The following RGS6 variants were observed in gnomAD, a reference collection of about 807,000 sequenced individuals.
RGS6 encodes the protein regulator of G-protein signaling 6.
A neutral mutation model predicts 78.5 loss-of-function variants in RGS6; 30 were observed. That is an observed-to-expected ratio of 0.38 (90% confidence interval 0.29 to 0.52). RGS6 has a LOEUF of 0.52. RGS6 is among the 20% of genes least tolerant of loss of function. RGS6 has a pLI of 0.85. For synonymous variants in RGS6, 206 were observed against 206.0 expected, an observed-to-expected ratio of 1.00 and a Z score of 0.00; for missense variants, 495 against 609.7, an observed-to-expected ratio of 0.81 and a Z score of 1.98.
intron 12 of RGS6, among the ~76,000 whole-genome samples, chr14:72,492,847 G>A (rs565239877): frequency 3.9e-5 from 6 of 152,246 alleles, no homozygotes; most frequent in South Asian, 2.1e-4. Context: ...ACAGTCACAC[G>A]CATTCATTTG....
chr14:71,912,406 G>A, the RGS6 span, among the ~76,000 whole-genome samples: 5 of 152,262 alleles, frequency 3.3e-5, no homozygotes, highest in Admixed American at 3.3e-4. Flanking sequence ...TATTTTTGGT[G>A]ACCATCGTGT....
intron 2 of RGS6, among the ~76,000 whole-genome samples, chr14:72,190,584 A>T (rs557953955): frequency 2.0e-5 from 3 of 152,190 alleles, no homozygotes; most frequent in Non-Finnish European, 4.4e-5. Flanking sequence ...AACAGGCTAC[A>T]CCTGGACAGA....
chr14:72,023,286 C>T (rs895905746), intron 2 of RGS6, among the ~76,000 whole-genome samples: 4 of 152,176 alleles, frequency 2.6e-5, no homozygotes, highest in Non-Finnish European at 4.4e-5. Flanking sequence ...AATTGCCTTC[C>T]GGCTACCCAA....
chr14:72,176,880 A>C (rs2097111748), intron 2 of RGS6, among the ~76,000 whole-genome samples: 1 of 152,148 alleles, frequency 6.6e-6, no homozygotes, highest in South Asian at 2.1e-4. Flanking sequence ...ACCACCCCAG[A>C]AGGAGCTCTT....
intron 2 of RGS6, among the ~76,000 whole-genome samples, chr14:72,177,106 C>T (rs1412606145): frequency 1.3e-5 from 2 of 151,934 alleles, no homozygotes; most frequent in African/African-American, 4.8e-5. Flanking sequence ...ATGAATAAAC[C>T]ACAATTTGTT....
intron 2 of RGS6, among the ~76,000 whole-genome samples, chr14:72,242,839 CTTTTTTTTTTTTTTTTTT>C (rs35675211): frequency 2.9e-5 from 2 of 69,134 alleles, no homozygotes; most frequent in African/African-American, 1.2e-4. Context: ...CATTTCTTTT[CTTTTTTTTTTTTTTTTTT>C]TTTTTTTTTG....
At chr14:72,299,601 T>C (rs181728122) in intron 2 of RGS6, among the ~76,000 whole-genome samples, 1 of 152,376 alleles carries the variant, frequency 6.6e-6, no homozygotes, top group East Asian at 1.9e-4. Flanking sequence ...TCACCAGCAG[T>C]GCAGGAGGAT....
chr14:71,982,845 T>C (rs2094528691), intron 2 of RGS6, among the ~76,000 whole-genome samples: 1 of 152,224 alleles, frequency 6.6e-6, no homozygotes, highest in Admixed American at 6.5e-5. Context: ...CATTTCCAGT[T>C]GCTCTCATCA....
At chr14:72,142,373 A>G (rs1261710191) in intron 2 of RGS6, among the ~76,000 whole-genome samples, 2 of 147,980 alleles carry the variant, frequency 1.4e-5, no homozygotes, top group Non-Finnish European at 2.9e-5. Context: ...CAAGCAGTCT[A>G]AGTACCTATG....
chr14:72,111,648 C>G (rs1039985631), intron 2 of RGS6, among the ~76,000 whole-genome samples: 4 of 152,262 alleles, frequency 2.6e-5, no homozygotes, highest in African/African-American at 9.6e-5. Context: ...TCACTCCACT[C>G]CAGACAGGGT....
intron 2 of RGS6, among the ~76,000 whole-genome samples, chr14:72,220,305 C>G (rs767502690): frequency 5.3e-5 from 8 of 152,138 alleles, no homozygotes; most frequent in Non-Finnish European, 1.2e-4. Context: ...TCTACATTAT[C>G]CATGCCTGGT....
intron 3 of RGS6, among the ~76,000 whole-genome samples, chr14:72,426,865 C>G (rs760875107): frequency 3.9e-5 from 6 of 152,186 alleles, no homozygotes; most frequent in Non-Finnish European, 8.8e-5. Context: ...CCTCTCCATC[C>G]CAAAAGGTGG....
intron 3 of RGS6, among the ~76,000 whole-genome samples, chr14:72,442,144 G>C (rs946711962): frequency 2.0e-5 from 3 of 151,726 alleles, no homozygotes; most frequent in African/African-American, 7.2e-5. Flanking sequence ...TCTGGTGTCT[G>C]GCAGAGAGTC....
chr14:72,501,174 C>T (rs1054163609), intron 13 of RGS6, among the ~76,000 whole-genome samples: 4 of 152,032 alleles, frequency 2.6e-5, no homozygotes, highest in African/African-American at 4.8e-5. Context: ...CCCAGGATGT[C>T]ACCGACAATG....
chr14:72,131,889 T>G (rs1312459319), intron 2 of RGS6, among the ~76,000 whole-genome samples: 2 of 152,208 alleles, frequency 1.3e-5, no homozygotes, highest in Non-Finnish European at 2.9e-5. Context: ...GGGGCTAGGC[T>G]CCACAAAGTT....
chr14:72,053,132 T>TTCCTTCCTTCCTTCCTTCCTTCCTTC (rs1404647087), intron 2 of RGS6, among the ~76,000 whole-genome samples: 24 of 88,298 alleles, frequency 2.7e-4, no homozygotes, highest in Non-Finnish European at 4.7e-4. Flanking sequence ...TTCCTTCCTT[T>TTCCTTCCTTCCTTCCTTCCTTCCTTC]CTTTTTTTGA....
intron 13 of RGS6, among the ~76,000 whole-genome samples, chr14:72,505,865 T>C (rs1004809835): frequency 1.3e-5 from 2 of 152,260 alleles, no homozygotes; most frequent in African/African-American, 2.4e-5. Context: ...AGCATTGATA[T>C]AGACAATTGC....
chr14:72,412,890 C>T (rs1200115519), intron 3 of RGS6, among the ~76,000 whole-genome samples: 3 of 152,074 alleles, frequency 2.0e-5, no homozygotes, highest in Admixed American at 6.5e-5. Flanking sequence ...GAGTGAGTTT[C>T]TTAATCCTGA....
chr14:71,967,567 C>A (rs1339340578), intron 2 of RGS6, among the ~76,000 whole-genome samples: 2 of 152,148 alleles, frequency 1.3e-5, no homozygotes, highest in Non-Finnish European at 2.9e-5. Flanking sequence ...GCCATAAACC[C>A]AAACCTTTCC....
Sources: allele counts gnomAD v4.1 joint callset (sites outside exome capture counted in the v4.1 genomes callset), GRCh38; gene constraint gnomAD v4.1.1; transcripts MANE v1.5; gene names NCBI Gene and HGNC (gene_info 2026-07-23, HGNC 2026-07-21).